Variants in SLC39A11 observed in about 807,000 individuals in gnomAD.
The protein encoded by SLC39A11 is solute carrier family 39 member 11.
SLC39A11 carries 33 observed loss-of-function variants against 36.1 expected under a neutral mutation model. The ratio of observed to expected loss-of-function variants is 0.91; its 90% CI spans 0.69 to 1.22. SLC39A11 has a LOEUF of 1.22. Among genes scored for constraint, SLC39A11 ranks in the 50% most tolerant of loss-of-function variants. The pLI is 0.00. For missense variants in SLC39A11, 432 were observed against 430.3 expected (o/e 1.00, Z -0.03); for synonymous variants, 166 against 170.3 (o/e 0.97, Z 0.20).
chr17:72,717,188 A>G (rs933400699), intron 7 of SLC39A11, among the ~76,000 whole-genome samples: 1 of 150,482 alleles, frequency 6.6e-6, no homozygotes, highest in Non-Finnish European at 1.5e-5. Flanking sequence ...ATTTTAAAAA[A>G]TTTAAAAAGA....
intron 7 of SLC39A11, among the ~76,000 whole-genome samples, chr17:72,684,647 C>A (rs964742073): frequency 3.9e-5 from 6 of 152,224 alleles, no homozygotes; most frequent in African/African-American, 1.4e-4. Context: ...CCACCACTAT[C>A]ATCCACCCCC....
chr17:72,707,278 C>T (rs1250293942), intron 7 of SLC39A11, among the ~76,000 whole-genome samples: 1 of 151,156 alleles, frequency 6.6e-6, no homozygotes, highest in African/African-American at 2.4e-5. Flanking sequence ...GGGGTCCACA[C>T]CTGTAATCCC....
rs146038285 is a variant in SLC39A11 at position 72,764,092 on chromosome 17, A to G, written c.602-27373T>C. Among the ~76,000 whole-genome samples the G allele has an allele frequency of 3.1e-3, 469 of 152,198 alleles. 4 individuals are homozygous for G. The highest frequency in any genetic ancestry group is 0.017 in the Middle Eastern group (5 of 294). On this transcript the variant is annotated intron_variant, in intron 6 of 9. Coordinates refer to ENST00000255559, the MANE Select transcript of SLC39A11 (RefSeq NM_139177.4). ...GCTGCTATTTTGCCAGGCACTCTGA[A>G]GTTAGAGTCCAGTGGGAAGGCCCAG...
chr17:72,766,276 C>T (rs900475188), intron 6 of SLC39A11, among the ~76,000 whole-genome samples: 11 of 152,114 alleles, frequency 7.2e-5, no homozygotes, highest in African/African-American at 1.2e-4. Flanking sequence ...TGTTAAGTTG[C>T]GCTATGGGTG....
At chr17:72,718,219 G>T (rs758903813) in intron 7 of SLC39A11, among the ~76,000 whole-genome samples, 1 of 152,020 alleles carries the variant, frequency 6.6e-6, no homozygotes, top group African/African-American at 2.4e-5. Context: ...AGGCTGAGGC[G>T]GACGGATCTT....
intron 4 of SLC39A11, among the ~76,000 whole-genome samples, chr17:73,030,158 C>T (rs1354915588): frequency 1.3e-5 from 2 of 152,180 alleles, no homozygotes; most frequent in South Asian, 2.1e-4. Flanking sequence ...TGACAGGAGG[C>T]GGAGCTCAGA....
chr17:73,081,509 A>T (rs2060506850), intron 3 of SLC39A11, among the ~76,000 whole-genome samples: 1 of 151,928 alleles, frequency 6.6e-6, no homozygotes. Flanking sequence ...TACACAAAAA[A>T]CATACTTGCA....
intron 7 of SLC39A11, among the ~76,000 whole-genome samples, chr17:72,730,042 T>C (rs766203175): frequency 1.8e-4 from 27 of 152,238 alleles, no homozygotes; most frequent in Middle Eastern, 3.2e-3. Context: ...CAGAGCACTC[T>C]AATCCATTTT....
chr17:72,953,382 G>A (rs2086007620), intron 4 of SLC39A11, among the ~76,000 whole-genome samples: 1 of 152,106 alleles, frequency 6.6e-6, no homozygotes, highest in Non-Finnish European at 1.5e-5. Context: ...TAATGTGAAG[G>A]AGGTGAGGGG....
At chr17:73,075,636 T>C (rs1299266476) in intron 3 of SLC39A11, among the ~76,000 whole-genome samples, 1 of 152,016 alleles carries the variant, frequency 6.6e-6, no homozygotes, top group Non-Finnish European at 1.5e-5. Context: ...GTGGATCACC[T>C]GAGGTAAGGA....
intron 3 of SLC39A11, among the ~76,000 whole-genome samples, chr17:73,081,731 ATGTATATATATATACATATATGTG>A (rs942191208): frequency 1.6e-5 from 2 of 126,440 alleles, no homozygotes; most frequent in African/African-American, 5.6e-5. Flanking sequence ...GTATATATGT[ATGTATATATATATACATATATGTG>A]TGTGGGTATA....
intron 3 of SLC39A11, among the ~76,000 whole-genome samples, chr17:73,046,190 T>C (rs1266148983): frequency 6.6e-6 from 1 of 152,220 alleles, no homozygotes; most frequent in Non-Finnish European, 1.5e-5. Flanking sequence ...ATGCCTCTTT[T>C]CTTGGCTCAA....
chr17:73,073,532 T>C (rs565011630), intron 3 of SLC39A11: 17 of 151,968 alleles, frequency 1.1e-4, no homozygotes, highest in African/African-American at 3.1e-4. Flanking sequence ...AGCCCTAAGA[T>C]AGACAAAAGG....
chr17:72,671,596 C>T (rs11077620), intron 7 of SLC39A11, among the ~76,000 whole-genome samples: 34,415 of 151,956 alleles, frequency 0.23, 3,993 homozygotes, highest in South Asian at 0.32. Context: ...TGGTGGATGC[C>T]TGTAATCTCA....
intron 4 of SLC39A11, among the ~76,000 whole-genome samples, chr17:73,000,601 C>G (rs550310945): frequency 6.6e-6 from 1 of 152,300 alleles, no homozygotes; most frequent in East Asian, 1.9e-4. Flanking sequence ...ATTCTGGGAG[C>G]TACTTGGTAT....
intron 6 of SLC39A11, among the ~76,000 whole-genome samples, chr17:72,817,431 C>T (rs2077620644): frequency 1.3e-5 from 2 of 151,982 alleles, no homozygotes; most frequent in Non-Finnish European, 2.9e-5. Context: ...TGAGAACTTG[C>T]TCCCAGGAGA....
chr17:72,985,407 C>CA (rs2088653304), intron 4 of SLC39A11, among the ~76,000 whole-genome samples: 1 of 78,928 alleles, frequency 1.3e-5, no homozygotes, highest in Non-Finnish European at 2.3e-5. Context: ...TGGGGCCTGC[C>CA]TTTTTTTTTT....
intron 5 of SLC39A11, among the ~76,000 whole-genome samples, chr17:72,941,530 T>C (rs2085096728): frequency 1.3e-5 from 2 of 150,766 alleles, no homozygotes; most frequent in Non-Finnish European, 2.9e-5. Context: ...CTGAAATTAC[T>C]GCCTGGCTTA....
intron 5 of SLC39A11, among the ~76,000 whole-genome samples, chr17:72,914,593 T>A (rs2147159631): frequency 6.6e-6 from 1 of 151,946 alleles, no homozygotes; most frequent in South Asian, 2.1e-4. Context: ...TATAAAACGT[T>A]GAATAGGCCG....
Sources: gnomAD v4.1 joint callset for allele counts (sites outside exome capture counted in the v4.1 genomes callset) on GRCh38, gnomAD v4.1.1 for gene constraint, MANE v1.5 for transcripts, NCBI Gene and HGNC (gene_info 2026-07-23, HGNC 2026-07-21) for gene names.